TBXAS1: variants seen among roughly 807,000 people sequenced by gnomAD.
TBXAS1 encodes thromboxane-A synthase.
In TBXAS1, 48 loss-of-function variants were observed where a neutral mutation model predicts 60.7. The ratio of observed to expected loss-of-function variants is 0.79; its 90% CI spans 0.63 to 1.01. The LOEUF is 1.01. TBXAS1 is among the 50% of genes least tolerant of loss of function. TBXAS1 has a pLI of 0.00. For missense variants in TBXAS1, 685 were observed against 686.3 expected, an observed-to-expected ratio of 1.00 and a Z score of 0.02; for synonymous variants, 287 against 269.7, an observed-to-expected ratio of 1.06 and a Z score of -0.63.
At chr7:139,879,201 C>A (rs985210559) in intron 3 of TBXAS1, among the ~76,000 whole-genome samples, 1 of 152,196 alleles carries the variant, frequency 6.6e-6, no homozygotes, top group Admixed American at 6.5e-5. Flanking sequence ...ACCACCACCA[C>A]CATCACCACC....
At chr7:139,803,557 A>G (rs972554986) in intron 4 of TBXAS1, among the ~76,000 whole-genome samples, 4 of 152,196 alleles carry the variant, frequency 2.6e-5, no homozygotes, top group African/African-American at 9.6e-5. Context: ...TCACCAAGAC[A>G]ATGGGGAAAA....
chr7:139,951,444 A>G (rs1390608070), intron 5 of TBXAS1, among the ~76,000 whole-genome samples: 2 of 151,556 alleles, frequency 1.3e-5, no homozygotes, highest in Non-Finnish European at 2.9e-5. Context: ...TGCAAGCCAT[A>G]TGGTTCAGTC....
intron 5 of TBXAS1, among the ~76,000 whole-genome samples, chr7:139,941,648 T>C (rs1444996220): frequency 6.6e-6 from 1 of 152,214 alleles, no homozygotes; most frequent in Non-Finnish European, 1.5e-5. Context: ...GGGAAGATTT[T>C]GTCTGCTTAA....
At position 140,020,255 on chromosome 7, in the gene TBXAS1, T is replaced by G. The variant is rs1403661939; in HGVS notation, c.*156T>G. 1 of 773,578 alleles carries G rather than the reference T, an allele frequency of 1.3e-6. No homozygotes were observed. Among genetic ancestry groups the G allele is most frequent in the South Asian group, 1.5e-5 (1 of 68,380 alleles). 47.9% of individuals were successfully genotyped at this position (773,578 alleles called of 1,614,324 possible). On this transcript the variant is annotated 3_prime_UTR_variant, in exon 13 of 13. Coordinates refer to ENST00000448866, the MANE Select transcript of TBXAS1 (RefSeq NM_001061.7). ...TCTTTACATAACATTTCCTAAATGC[T>G]TAATAAACGTTTGTTGCACTTGGTT...
In TBXAS1 at chr7:139,890,207, C is replaced by CTTTT. The variant is rs57305084; in HGVS notation, c.236+14593_236+14596dup. The stretch of plus-strand genomic sequence containing the variant: ...CCAAGTGAGAAATTTAGGATGCAGT[C>CTTTT]TTTTTTTTTTTTTTTTTTTTTTTTT... On this transcript the variant is annotated intron_variant, in intron 3 of 12. Coordinates refer to ENST00000448866, the MANE Select transcript of TBXAS1 (RefSeq NM_001061.7). Among the ~76,000 whole-genome samples the CTTTT allele has an allele frequency of 2.2e-4, 19 of 85,618 alleles. 2 individuals are homozygous for CTTTT. The highest frequency in any genetic ancestry group is 9.7e-4 in the South Asian group (2 of 2,056). The allele number at this position is 85,618 out of a possible 152,430, so 56.2% of individuals were successfully genotyped here. A position where few individuals can be genotyped will look rare whatever the true frequency, so the allele number is the denominator to read the frequency against.
At chr7:139,863,037 C>G (rs1450061738) in intron 1 of TBXAS1, among the ~76,000 whole-genome samples, 1 of 152,128 alleles carries the variant, frequency 6.6e-6, no homozygotes, top group African/African-American at 2.4e-5. Context: ...ATTTACCTCT[C>G]TAAGCTTTTA....
At chr7:139,808,720 T>C (rs1335711164) in intron 4 of TBXAS1, among the ~76,000 whole-genome samples, 4 of 152,114 alleles carry the variant, frequency 2.6e-5, no homozygotes, top group African/African-American at 7.2e-5. Flanking sequence ...CCATCACTGC[T>C]CTCCCCACAT....
At chr7:139,840,186 C>G (rs1404509237) in intron 1 of TBXAS1, among the ~76,000 whole-genome samples, 1 of 152,114 alleles carries the variant, frequency 6.6e-6, no homozygotes, top group African/African-American at 2.4e-5. Context: ...GAACTGGACT[C>G]TAATTCTAGA....
chr7:139,881,692 C>T (rs1802712213), intron 3 of TBXAS1, among the ~76,000 whole-genome samples: 1 of 152,034 alleles, frequency 6.6e-6, no homozygotes. Context: ...GTATCAAAGC[C>T]TGAAGCAATC....
chr7:139,842,682 T>G (rs1585606666), intron 1 of TBXAS1, among the ~76,000 whole-genome samples: 2 of 151,916 alleles, frequency 1.3e-5, no homozygotes, highest in South Asian at 2.1e-4. Flanking sequence ...GGTAGGGGGG[T>G]GTTAGCTGAT....
rs986207462 is a variant in TBXAS1 at position 139,852,356 on chromosome 7, C to T, written c.90-19879C>T. 6.6e-6 allele frequency among the ~76,000 whole-genome samples: 1 copy of T among 152,134 alleles called. No individual in the cohort carries two copies. Among genetic ancestry groups the T allele is most frequent in the Non-Finnish European group, 1.5e-5 (1 of 68,034 alleles). On this transcript the variant is annotated intron_variant, in intron 1 of 12. Coordinates refer to ENST00000448866, the MANE Select transcript of TBXAS1 (RefSeq NM_001061.7). This position sits in a 1 kb window ranked among gnomAD's most constrained non-coding sequence, Gnocchi z 4.4. ...GCCAAACCCAGAAAAGTGGTCTGTTCGGAAGGTCAGGCAGGTTCTGTGGGT... is the reference window on the plus strand; with the variant it reads ...GCCAAACCCAGAAAAGTGGTCTGTTTGGAAGGTCAGGCAGGTTCTGTGGGT...
At chr7:139,954,722 C>T (rs994243075) in intron 6 of TBXAS1, among the ~76,000 whole-genome samples, 3 of 152,158 alleles carry the variant, frequency 2.0e-5, no homozygotes, top group African/African-American at 7.2e-5. Context: ...TTAAAATGGC[C>T]TTTTGAGGGG....
At chr7:139,948,869 T>C (rs749826534) in intron 5 of TBXAS1, among the ~76,000 whole-genome samples, 5 of 152,200 alleles carry the variant, frequency 3.3e-5, no homozygotes, top group African/African-American at 7.2e-5. Context: ...CTGTGTAAAA[T>C]GCAAGGAAGA....
At chr7:139,922,584 T>C (rs1806567698) in intron 4 of TBXAS1, among the ~76,000 whole-genome samples, 1 of 152,242 alleles carries the variant, frequency 6.6e-6, no homozygotes, top group Admixed American at 6.5e-5. Context: ...GAATATCTTC[T>C]CCCAGTCCAT....
At chr7:139,966,350 T>TA (rs952519272) in intron 9 of TBXAS1, among the ~76,000 whole-genome samples, 17 of 152,218 alleles carry the variant, frequency 1.1e-4, no homozygotes, top group African/African-American at 3.1e-4. Flanking sequence ...TGGACAGTGA[T>TA]AAAAAAAACT....
At chr7:139,968,390 G>A (rs1368352221) in intron 9 of TBXAS1, among the ~76,000 whole-genome samples, 1 of 152,162 alleles carries the variant, frequency 6.6e-6, no homozygotes, top group Admixed American at 6.5e-5. Context: ...CACTTCCCAG[G>A]TTCAAGTGAT....
At chr7:139,914,689 C>A (rs143646713) in intron 4 of TBXAS1, among the ~76,000 whole-genome samples, 153 of 152,284 alleles carry the variant, frequency 1.0e-3, no homozygotes, top group South Asian at 2.5e-3. Context: ...CTGCCTCCAT[C>A]CACATGCACT....
At chr7:140,014,480 A>T (rs2116447869) in intron 10 of TBXAS1, among the ~76,000 whole-genome samples, 1 of 152,244 alleles carries the variant, frequency 6.6e-6, no homozygotes, top group South Asian at 2.1e-4. Context: ...AATCCCTGGG[A>T]AGTGCCAGGA....
At chr7:139,869,149 G>T (rs1168657566) in intron 1 of TBXAS1, among the ~76,000 whole-genome samples, 1 of 152,150 alleles carries the variant, frequency 6.6e-6, no homozygotes, top group Non-Finnish European at 1.5e-5. Flanking sequence ...TGAAATTGAG[G>T]TGTCTGCAGG....
Sources: gnomAD v4.1 joint callset for allele counts (sites outside exome capture counted in the v4.1 genomes callset) on GRCh38, gnomAD v4.1.1 for gene constraint, Gnocchi (gnomAD v3.1) non-coding constraint, MANE v1.5 for transcripts, NCBI Gene and HGNC (gene_info 2026-07-23, HGNC 2026-07-21) for gene names.